CUX2: variants seen among roughly 807,000 people sequenced by gnomAD.
The protein encoded by CUX2 is homeobox protein cut-like 2.
In CUX2, 40 loss-of-function variants were observed where a neutral mutation model predicts 144.8. That is an observed-to-expected ratio of 0.28 (90% confidence interval 0.21 to 0.36). The LOEUF (loss-of-function observed/expected upper bound fraction) is 0.36, where lower values mean the gene tolerates loss of function less well. Ranked by LOEUF, CUX2 falls within the 10% of genes least tolerant of loss-of-function variation. The probability of loss-of-function intolerance (pLI) is 1.00; values close to 1 mark genes in which losing one functional copy is unlikely to be tolerated. For missense variants in CUX2, 1,615 were observed against 1,994.0 expected (o/e 0.81, Z 3.62); for synonymous variants, 827 against 875.6 (o/e 0.94, Z 0.98).
chr12:111,316,100 T>G (rs1438377283), intron 16 of CUX2, among the ~76,000 whole-genome samples: 3 of 151,784 alleles, frequency 2.0e-5, no homozygotes, highest in South Asian at 2.1e-4. Context: ...CAAGTATGAG[T>G]TTTTTTTAAT....
intron 4 of CUX2, among the ~76,000 whole-genome samples, chr12:111,267,345 A>G (rs1884439459): frequency 1.3e-5 from 2 of 151,900 alleles, no homozygotes; most frequent in African/African-American, 4.8e-5. Context: ...GTTTGAGCGC[A>G]CAGGCCTGAT....
Position 111,341,950 on chromosome 12 carries a change from G to A in CUX2, c.3556G>A (p.Ala1186Thr). ...CGAGGAGAAGGAGGCACTGCGGAAG[G>A]CCTATCAGCTGGAACCCTACCCCTC... ...APEEKEALRK[A>T]YQLEPYPSQQ... The change falls in exon 21 of 22, where the codon GCC becomes ACC. Residue 1186 changes from alanine to threonine, a missense_variant. By Grantham distance (58) the Ala-to-Thr change is moderately conservative. Around this residue, in one of 12 missense-constraint regions of CUX2, gnomAD observed 131 missense variants for 223.1 expected, o/e 0.59. Transcript: ENST00000261726. 3 of 1,614,106 alleles carry A rather than the reference G, an allele frequency of 1.9e-6. No individual in the cohort carries two copies. The highest frequency in any genetic ancestry group is 2.5e-6 in the Non-Finnish European group (3 of 1,180,016).
intron 21 of CUX2, among the ~76,000 whole-genome samples, chr12:111,344,701 C>G (rs571663839): frequency 6.6e-6 from 1 of 152,080 alleles, no homozygotes; most frequent in East Asian, 1.9e-4. Context: ...CTAGGTGACC[C>G]CTCACAGTTC....
chr12:111,320,492 A>T lies in CUX2; in HGVS notation c.2483A>T (p.Asp828Val). 1 of 1,584,654 alleles carries T rather than the reference A, an allele frequency of 6.3e-7. No homozygotes were observed. Among genetic ancestry groups the T allele is most frequent in the Non-Finnish European group, 8.5e-7 (1 of 1,169,946 alleles). ...QPNGRAWPRG[D>V]EAPVPPEDEA... The stretch of plus-strand genomic sequence containing the variant: ...AACGGCCGCGCCTGGCCCCGCGGGG[A>T]CGAGGCCCCTGTGCCCCCCGAGGAC... Residue 828 changes from aspartate to valine, a missense_variant, in exon 17 of 22, where the codon GAC becomes GTC. Physicochemically the swap from Asp to Val is radical, Grantham distance 152 (BLOSUM62 -3). Coordinates refer to ENST00000261726, the MANE Select transcript of CUX2 (RefSeq NM_015267.4). This position sits in a 1 kb window ranked among gnomAD's most constrained non-coding sequence, Gnocchi z 8.1.
intron 3 of CUX2, among the ~76,000 whole-genome samples, chr12:111,236,699 C>T (rs949966644): frequency 6.6e-5 from 10 of 152,184 alleles, no homozygotes; most frequent in Admixed American, 5.9e-4. Flanking sequence ...AATAATACAT[C>T]GAGAGGCAAT....
In CUX2 at chr12:111,310,801, G is replaced by A. The variant is rs1453872406; in HGVS notation, c.1900+119G>A. The A allele has an allele frequency of 2.4e-5, 28 of 1,187,908 alleles. No individual in the cohort carries two copies. Among genetic ancestry groups the A allele is most frequent in the Non-Finnish European group, 3.1e-5 (27 of 871,732 alleles). The allele number at this position is 1,187,908 out of a possible 1,614,324, so 73.6% of individuals were successfully genotyped here. A position where few individuals can be genotyped will look rare whatever the true frequency, so the allele number is the denominator to read the frequency against. ...CCCAGCTCTACCACCACCTGGCTGT[G>A]TGACCCAGGGCCAGTGGCTTTGCCT... On this transcript the variant is annotated intron_variant, in intron 15 of 21. Coordinates refer to ENST00000261726, the MANE Select transcript of CUX2 (RefSeq NM_015267.4). This position sits in a 1 kb window ranked among gnomAD's most constrained non-coding sequence, Gnocchi z 7.9.
At chr12:111,213,039 T>C (rs1269580831) in intron 1 of CUX2, among the ~76,000 whole-genome samples, 1 of 152,222 alleles carries the variant, frequency 6.6e-6, no homozygotes, top group African/African-American at 2.4e-5. Context: ...ATCATACATA[T>C]GTTAGATTAA....
chr12:111,333,203 A>T lies in CUX2; in HGVS notation c.2927-1238A>T, dbSNP rs116203499. Among the ~76,000 whole-genome samples, 1,314 of 152,104 alleles carry T rather than the reference A, an allele frequency of 8.6e-3. 22 individuals carry two copies. Among genetic ancestry groups the T allele is most frequent in the African/African-American group, 0.031 (1,267 of 41,494 alleles). On this transcript the variant is annotated intron_variant, in intron 18 of 21. Coordinates refer to ENST00000261726, the MANE Select transcript of CUX2 (RefSeq NM_015267.4). ...CAGCCTGGGTGAAGTTTTTTGAGACAGAGTGAAACTCTTGTCTCAAAAAAA... is the reference window on the plus strand; with the variant it reads ...CAGCCTGGGTGAAGTTTTTTGAGACTGAGTGAAACTCTTGTCTCAAAAAAA...
intron 1 of CUX2, among the ~76,000 whole-genome samples, chr12:111,116,636 G>A (rs898621147): frequency 1.3e-5 from 2 of 152,184 alleles, no homozygotes; most frequent in African/African-American, 4.8e-5. Flanking sequence ...GAGAGAAGAA[G>A]CCCAAGAATG....
At chr12:111,183,272 AG>A (rs1879306428) in intron 1 of CUX2, among the ~76,000 whole-genome samples, 1 of 152,266 alleles carries the variant, frequency 6.6e-6, no homozygotes, top group South Asian at 2.1e-4. Flanking sequence ...CAAGAATGAC[AG>A]GGTCAGGCTG....
intron 1 of CUX2, among the ~76,000 whole-genome samples, chr12:111,091,236 A>C (rs1485827029): frequency 6.6e-6 from 1 of 152,212 alleles, no homozygotes; most frequent in African/African-American, 2.4e-5. Flanking sequence ...GATAAAAGAC[A>C]GTCTTGGACT....
At chr12:111,150,652 C>G (rs1475686613) in intron 1 of CUX2, among the ~76,000 whole-genome samples, 1 of 146,984 alleles carries the variant, frequency 6.8e-6, no homozygotes, top group Non-Finnish European at 1.5e-5. Context: ...ACGGCTGGAC[C>G]AAATCACCTC....
intron 1 of CUX2, among the ~76,000 whole-genome samples, chr12:111,130,187 C>T (rs1204987887): frequency 1.3e-5 from 2 of 152,200 alleles, no homozygotes; most frequent in African/African-American, 4.8e-5. Context: ...GGGGACCCGG[C>T]CTCCCCTTCA....
chr12:111,055,386 G>A (rs1870468996), intron 1 of CUX2, among the ~76,000 whole-genome samples: 1 of 152,220 alleles, frequency 6.6e-6, no homozygotes, highest in African/African-American at 2.4e-5. Context: ...TGGGACCCTC[G>A]GGCCAGCAGC....
intron 3 of CUX2, among the ~76,000 whole-genome samples, chr12:111,229,537 G>T (rs1243611347): frequency 6.6e-6 from 1 of 152,160 alleles, no homozygotes; most frequent in Non-Finnish European, 1.5e-5. Context: ...TCCATAAAAT[G>T]GGTTCTTGTA....
intron 1 of CUX2, among the ~76,000 whole-genome samples, chr12:111,043,201 A>G (rs917711640): frequency 6.6e-6 from 1 of 152,228 alleles, no homozygotes; most frequent in East Asian, 1.9e-4. Flanking sequence ...GTGGATGCAC[A>G]TGCCATTTCA....
At chr12:111,319,037 G>A (rs1887361019) in intron 16 of CUX2, among the ~76,000 whole-genome samples, 1 of 152,036 alleles carries the variant, frequency 6.6e-6, no homozygotes, top group Non-Finnish European at 1.5e-5. Context: ...TGAAGGGCTG[G>A]GCACAGTGGC....
chr12:111,347,724 C>A lies in CUX2; in HGVS notation c.3860C>A (p.Pro1287His). The change falls in exon 22 of 22, where the codon CCC becomes CAC. Residue 1287 changes from proline (P) to histidine (H), a missense_variant. Coordinates refer to ENST00000261726, the MANE Select transcript of CUX2 (RefSeq NM_015267.4). ...GAGGGCCCTGAGGAGAACAGCACAC[C>A]CCTGACCACCCAGGACAAGGCCCAA... is the stretch of plus-strand genomic sequence containing the variant. ...LQEGPEENST[P>H]LTTQDKAQVR... 4.3e-6 allele frequency: 7 copies of A among 1,613,802 alleles called. No homozygotes were observed. The highest frequency in any genetic ancestry group is 5.9e-6 in the Non-Finnish European group (7 of 1,179,970).
At chr12:111,239,908 CAA>C (rs1029153565) in intron 3 of CUX2, among the ~76,000 whole-genome samples, 1 of 152,142 alleles carries the variant, frequency 6.6e-6, no homozygotes, top group African/African-American at 2.4e-5. Context: ...GGGTCCTCCA[CAA>C]AGACAGGGTC....
Sources: allele counts gnomAD v4.1 joint callset (sites outside exome capture counted in the v4.1 genomes callset), GRCh38; gene constraint gnomAD v4.1.1; regional missense constraint gnomAD v4.1.1; non-coding constraint Gnocchi (gnomAD v3.1); transcripts MANE v1.5; gene names NCBI Gene and HGNC (gene_info 2026-07-23, HGNC 2026-07-21).